LRP2: variants seen among roughly 807,000 people sequenced by gnomAD.
LRP2 encodes low-density lipoprotein receptor-related protein 2.
Under a neutral mutation model 531.0 loss-of-function variants are expected in LRP2, and 172 were observed. The ratio of observed to expected loss-of-function variants is 0.32; its 90% confidence interval spans 0.29 to 0.37. The LOEUF is 0.37. Among genes scored for constraint, LRP2 ranks in the 10% least tolerant of loss-of-function variants. The pLI is 1.00. For missense variants in LRP2, 5,167 were observed against 5,868.3 expected, an observed-to-expected ratio of 0.88 and a Z score of 3.90; for synonymous variants, 1,992 against 2,027.6, an observed-to-expected ratio of 0.98 and a Z score of 0.47.
At chr2:169,304,356 C>T (rs1244486068) in intron 4 of LRP2, among the ~76,000 whole-genome samples, 1 of 152,176 alleles carries the variant, frequency 6.6e-6, no homozygotes, top group African/African-American at 2.4e-5. Context: ...CTCTACTATA[C>T]AACCTCAAAC....
At chr2:169,303,987 G>C (rs938574652) in intron 4 of LRP2, among the ~76,000 whole-genome samples, 1 of 151,992 alleles carries the variant, frequency 6.6e-6, no homozygotes, top group Admixed American at 6.6e-5. Context: ...CCTCTGCTTC[G>C]TTCCCTTTTA....
intron 15 of LRP2, among the ~76,000 whole-genome samples, chr2:169,271,332 A>G (rs1244305610): frequency 6.6e-6 from 1 of 152,072 alleles, no homozygotes; most frequent in Non-Finnish European, 1.5e-5. Context: ...CCTTCTTCCT[A>G]AGAAATGTAT....
Position 169,128,802 on chromosome 2 carries a change from G to A in LRP2, c.13829C>T (p.Ala4610Val). The A allele has an allele frequency of 1.2e-6, 2 of 1,614,076 alleles. No individual in the cohort carries two copies. The highest frequency in any genetic ancestry group is 1.1e-5 in the South Asian group (1 of 91,078). ...CGAAGGTGATGGAGGTGGTGTCGCA[G>A]CAACACTTTCCTTTTGCTCGTTCTC... ...QMENEQKESV[A>V]ATPPPSPSLP... The change falls in exon 79 of 79, where the codon GCT becomes GTT. Residue 4610 changes from alanine (A) to valine (V), a missense_variant. Transcript: ENST00000649046.
chr2:169,281,982 G>A (rs555225324), intron 10 of LRP2, among the ~76,000 whole-genome samples: 45 of 152,230 alleles, frequency 3.0e-4, no homozygotes, highest in South Asian at 8.3e-4. Flanking sequence ...AAACCATGCA[G>A]AGGGGAATAG....
intron 29 of LRP2, 68 bp from the exon 30 acceptor site, chr2:169,233,656 G>T: frequency 7.5e-7 from 1 of 1,326,158 alleles, no homozygotes; most frequent in Non-Finnish European, 1.1e-6. Context: ...GAGTCAAAGA[G>T]GATATCTGCT....
chr2:169,302,859 G>A (rs1684320186), intron 4 of LRP2, among the ~76,000 whole-genome samples: 1 of 151,982 alleles, frequency 6.6e-6, no homozygotes, highest in Non-Finnish European at 1.5e-5. Context: ...ATTTTATTTG[G>A]ACTTTGATTT....
intron 34 of LRP2, among the ~76,000 whole-genome samples, chr2:169,219,990 T>G (rs1688931511): frequency 2.0e-5 from 3 of 152,062 alleles, no homozygotes; most frequent in African/African-American, 7.2e-5. Flanking sequence ...CTCCCCACAA[T>G]CCTGCTAAGT....
In LRP2 at chr2:169,182,330, G is replaced by C. The variant is rs376364978; in HGVS notation, c.9846-11C>G. ...AACCAGTAGAGCTTTCTAAAATGGAGAGCCAGGAGTTAACCAATACAGTCA... is the reference window on the plus strand; with the variant it reads ...AACCAGTAGAGCTTTCTAAAATGGACAGCCAGGAGTTAACCAATACAGTCA... On this transcript the variant is annotated splice_polypyrimidine_tract_variant and intron_variant, in intron 50 of 78. Transcript: ENST00000649046. The C allele has an allele frequency of 1.2e-6, 2 of 1,613,094 alleles. No homozygotes were observed. The highest frequency in any genetic ancestry group is 1.7e-6 in the Non-Finnish European group (2 of 1,179,860).
chr2:169,256,017 G>A, intron 19 of LRP2, 89 bp downstream of exon 19: 3 of 1,403,504 alleles, frequency 2.1e-6, no homozygotes, highest in Non-Finnish European at 3.0e-6. Flanking sequence ...GCTTTTCTGG[G>A]ATTGTGAAAA....
chr2:169,331,360 G>A (rs1685262845), intron 1 of LRP2, among the ~76,000 whole-genome samples: 1 of 152,138 alleles, frequency 6.6e-6, no homozygotes, highest in Non-Finnish European at 1.5e-5. Context: ...GAATGTCCAA[G>A]TTTTTACCAA....
rs76120810 is a variant in LRP2 at position 169,233,754 on chromosome 2, C to T, written c.4921-166G>A. 8.9e-4 allele frequency among the ~76,000 whole-genome samples: 135 copies of T among 152,298 alleles called. No individual in the cohort carries two copies. In the East Asian group the frequency reaches 0.022, roughly 25 times the overall value. On this transcript the variant is annotated intron_variant, in intron 29 of 78. Transcript: ENST00000649046. ...AAAGAGCGGCAAAAAATACACAATT[C>T]GTCCTATATCCCACTAAACCATTCA... is the stretch of plus-strand genomic sequence containing the variant.
At chr2:169,322,984 G>T (rs185863137) in intron 1 of LRP2, among the ~76,000 whole-genome samples, 94 of 152,110 alleles carry the variant, frequency 6.2e-4, no homozygotes, top group Admixed American at 1.4e-3. Context: ...GGGGTGGGGG[G>T]ATTTGTTTGT....
chr2:169,137,576 C>T, intron 75 of LRP2, 83 bp from the exon 76 acceptor site: 1 of 687,404 alleles, frequency 1.5e-6, no homozygotes, highest in Non-Finnish European at 2.4e-6. Flanking sequence ...GGTTCACACA[C>T]AAAGAAAGGT....
intron 41 of LRP2, among the ~76,000 whole-genome samples, chr2:169,204,976 G>C (rs1271988110): frequency 1.3e-5 from 2 of 151,242 alleles, no homozygotes; most frequent in Non-Finnish European, 2.9e-5. Flanking sequence ...AAGCTTGCCA[G>C]AGAAGAAAGG....
chr2:169,172,191 T>A, intron 57 of LRP2, 57 bp from the exon 58 acceptor site: 2 of 1,602,606 alleles, frequency 1.2e-6, no homozygotes, highest in Non-Finnish European at 1.7e-6. Context: ...ATGCACAAAG[T>A]AGTATTGGCT....
chr2:169,265,103 C>G (rs186694483), intron 16 of LRP2, among the ~76,000 whole-genome samples: 3 of 151,292 alleles, frequency 2.0e-5, no homozygotes, highest in Admixed American at 2.0e-4. Context: ...ACCCCCAGAA[C>G]AGACCACCAT....
chr2:169,322,417 T>G (rs1337693035), intron 1 of LRP2, among the ~76,000 whole-genome samples: 1 of 152,220 alleles, frequency 6.6e-6, no homozygotes, highest in East Asian at 1.9e-4. Flanking sequence ...CAGGAGTACG[T>G]ACACCCAAAT....
intron 31 of LRP2, among the ~76,000 whole-genome samples, chr2:169,228,068 A>T (rs1017706309): frequency 1.3e-4 from 20 of 152,208 alleles, no homozygotes; most frequent in African/African-American, 4.8e-4. Context: ...TACTGCATGC[A>T]TCAGGTAAGT....
At chr2:169,354,784 G>A (rs905730317) in intron 1 of LRP2, among the ~76,000 whole-genome samples, 14 of 152,278 alleles carry the variant, frequency 9.2e-5, no homozygotes, top group South Asian at 2.1e-4. Flanking sequence ...TGATGGATAC[G>A]TGTTCTACCA....
Sources: gnomAD v4.1 joint callset for allele counts (sites outside exome capture counted in the v4.1 genomes callset) on GRCh38, gnomAD v4.1.1 for gene constraint, MANE v1.5 for transcripts, NCBI Gene and HGNC (gene_info 2026-07-23, HGNC 2026-07-21) for gene names.